The following DMWD variants were observed in gnomAD, a reference collection of about 807,000 sequenced individuals.
DMWD encodes the protein dystrophia myotonica WD repeat-containing protein.
In DMWD, 19 loss-of-function variants were observed where a neutral mutation model predicts 45.8. The ratio of observed to expected loss-of-function variants is 0.41; its 90% confidence interval spans 0.29 to 0.61. DMWD has a LOEUF of 0.61. Among genes scored for constraint, DMWD ranks in the 20% least tolerant of loss-of-function variants. The probability of loss-of-function intolerance (pLI) is 0.25; values close to 1 mark genes in which losing one functional copy is unlikely to be tolerated. For missense variants in DMWD, 802 were observed against 965.2 expected, an observed-to-expected ratio of 0.83 and a Z score of 2.24; for synonymous variants, 515 against 440.5, an observed-to-expected ratio of 1.17 and a Z score of -2.12.
chr19:45,792,736 C>CTCCGCGCCGCCCGCCGCCA lies in DMWD; in HGVS notation c.2_20dup (p.Glu7AspfsTer23). On this transcript the variant is annotated frameshift_variant, in exon 1 of 5. Transcript: ENST00000270223. LOFTEE classifies it high-confidence loss of function. ...TGGCGGCGCCGGGGCCCGAGCCGCC[C>CTCCGCGCCGCCCGCCGCCA]TCCGCGCCGCCCGCCGCCATCTTGG... is the stretch of plus-strand genomic sequence containing the variant. 3 of 1,153,444 alleles carry CTCCGCGCCGCCCGCCGCCA rather than the reference C, an allele frequency of 2.6e-6. No individual in the cohort carries two copies. The highest frequency in any genetic ancestry group is 3.2e-6 in the Non-Finnish European group (3 of 933,652). 71.5% of individuals were successfully genotyped at this position (1,153,444 alleles called of 1,614,324 possible). A position where few individuals can be genotyped will look rare whatever the true frequency, so the allele number is the denominator to read the frequency against.
At position 45,791,049 on chromosome 19, in the gene DMWD, G is replaced by A; in HGVS notation, c.480C>T (p.Tyr160=). Residue 160 remains tyrosine, a synonymous_variant, in exon 2 of 5, where the codon TAC becomes TAT. Coordinates refer to ENST00000270223, the MANE Select transcript of DMWD (RefSeq NM_004943.2). ...DLNKPIDKRI[Y]KGTQPTCHDF... is the part of the protein sequence containing the mutation. Reference sequence around the variant, plus strand: ...CGTGGCAGGTGGGCTGGGTGCCCTTGTAGATCCGCTTGTCAATTGGCTTGT... The same window carrying A: ...CGTGGCAGGTGGGCTGGGTGCCCTTATAGATCCGCTTGTCAATTGGCTTGT... 6.2e-7 allele frequency: 1 copy of A among 1,612,832 alleles called. No individual in the cohort carries two copies. Among genetic ancestry groups the A allele is most frequent in the South Asian group, 1.1e-5 (1 of 91,058 alleles).
Position 45,792,389 on chromosome 19 carries a change from C to T in DMWD, c.368G>A (p.Gly123Glu). The change falls in exon 1 of 5, where the codon GGA becomes GAA. Residue 123 changes from glycine (G) to glutamate (E), a missense_variant. Physicochemically the swap from Gly to Glu is moderately conservative, Grantham distance 98 (BLOSUM62 -2). Transcript: ENST00000270223. ...PATPAGLGSGGDRVCFNLGRE... is the reference protein window; with the variant it reads ...PATPAGLGSGEDRVCFNLGRE... ...GCCCAAGTTGAAGCAGACGCGGTCT[C>T]CCCCCGAGCCCAGCCCCGCGGGCGT... 1.2e-6 allele frequency: 2 copies of T among 1,600,300 alleles called. No individual in the cohort carries two copies. The highest frequency in any genetic ancestry group is 2.3e-5 in the East Asian group (1 of 43,284).
At chr19:45,790,760 AT>A (rs765064610) in intron 2 of DMWD, 144 bp downstream of exon 2, 2 of 858,604 alleles carry the variant, frequency 2.3e-6, no homozygotes, top group South Asian at 3.7e-5. Flanking sequence ...GGCAGCTGTC[AT>A]TAGCTGCTGT....
At chr19:45,792,070 G>A (rs1011383211) in intron 1 of DMWD, among the ~76,000 whole-genome samples, 2 of 151,984 alleles carry the variant, frequency 1.3e-5, no homozygotes, top group Non-Finnish European at 2.9e-5. Context: ...CACCATCCCA[G>A]AACTCCTACG....
chr19:45,791,131 G>A (rs1297160894), intron 1 of DMWD, 44 bp from the exon 2 acceptor site: 2 of 1,550,392 alleles, frequency 1.3e-6, no homozygotes, highest in East Asian at 4.5e-5. Context: ...ATGCCACTGA[G>A]GAGAAGGAAG....
At position 45,786,137 on chromosome 19, in the gene DMWD, G is replaced by A. The variant is rs751258923; in HGVS notation, c.1359C>T (p.His453=). ...WDLTEDVLYP[H]PPLARTRTLP... is the part of the protein sequence containing the mutation. ...GGGTGCGGGTGCGGGCCAGGGGGGG[G>A]TGCGGGTAGAGCACGTCTTCAGTGA... Residue 453 remains histidine, a synonymous_variant, in exon 3 of 5, where the codon CAC becomes CAT. Transcript: ENST00000270223. 5.8e-6 allele frequency: 9 copies of A among 1,543,844 alleles called. No homozygotes were observed. The highest frequency in any genetic ancestry group is 1.4e-5 in the African/African-American group (1 of 73,458).
At chr19:45,787,595 C>T (rs1040403394) in intron 2 of DMWD, among the ~76,000 whole-genome samples, 1 of 152,220 alleles carries the variant, frequency 6.6e-6, no homozygotes, top group Admixed American at 6.5e-5. Context: ...AGGAAGCGAT[C>T]TTTGTTTGGT....
Position 45,783,786 on chromosome 19 carries a change from T to C in DMWD, c.*457A>G, listed in dbSNP as rs1218098194. ...AGGTCCTGCGGGACAGGGAGGAACC[T>C]GAGGGGCTTCCATAATTTAACACTC... On this transcript the variant is annotated 3_prime_UTR_variant, in exon 5 of 5. Coordinates refer to ENST00000270223, the MANE Select transcript of DMWD (RefSeq NM_004943.2). 1.1e-5 allele frequency: 5 copies of C among 460,532 alleles called. No homozygotes were observed. In the East Asian group the frequency reaches 1.4e-4, roughly 13 times the overall value. 28.5% of individuals were successfully genotyped at this position (460,532 alleles called of 1,614,324 possible).
At chr19:45,784,391 C>T in intron 4 of DMWD, 101 bp from the exon 5 acceptor site, 1 of 1,342,760 alleles carries the variant, frequency 7.4e-7, no homozygotes, top group Non-Finnish European at 1.0e-6. Flanking sequence ...AAAGCTGCTG[C>T]CACCCTGGCC....
At chr19:45,788,237 G>T (rs1294846717) in intron 2 of DMWD, among the ~76,000 whole-genome samples, 1 of 152,206 alleles carries the variant, frequency 6.6e-6, no homozygotes, top group African/African-American at 2.4e-5. Context: ...TGAAGTATCA[G>T]CCAGCACCTG....
Position 45,785,778 on chromosome 19 carries a change from A to G in DMWD, c.1718T>C (p.Leu573Pro). ...AGTGCCCAGCACCTTGGCGGGGTCC[A>G]GGCGGCTGCGGGGAACAGGGCCGCT... ...KPSGPVPRSR[L>P]DPAKVLGTAL... is the part of the protein sequence containing the mutation. Residue 573 changes from leucine to proline, a missense_variant, in exon 3 of 5, where the codon CTG (leucine) becomes CCG (proline). Leu to Pro is a moderately conservative substitution (Grantham distance 98). Transcript: ENST00000270223. The G allele has an allele frequency of 6.2e-7, 1 of 1,611,610 alleles. No individual in the cohort carries two copies. Among genetic ancestry groups the G allele is most frequent in the Non-Finnish European group, 8.5e-7 (1 of 1,179,188 alleles).
At chr19:45,792,106 C>A (rs565016861) in intron 1 of DMWD, among the ~76,000 whole-genome samples, 1 of 152,140 alleles carries the variant, frequency 6.6e-6, no homozygotes, top group Non-Finnish European at 1.5e-5. Flanking sequence ...GGGGATTTCC[C>A]CCATCACCTC....
Position 45,783,722 on chromosome 19 carries a change from A to G in DMWD, c.*521T>C. On this transcript the variant is annotated 3_prime_UTR_variant, in exon 5 of 5. Coordinates refer to ENST00000270223, the MANE Select transcript of DMWD (RefSeq NM_004943.2). ...CTACATCATCTCCTCCGAAGGGGAC[A>G]GACCCGCTGAGAAAACAGGGAACTT... 1 of 444,232 alleles carries G rather than the reference A, an allele frequency of 2.3e-6. No individual in the cohort carries two copies. The highest frequency in any genetic ancestry group is 3.9e-6 in the Non-Finnish European group (1 of 255,442). 27.5% of individuals were successfully genotyped at this position (444,232 alleles called of 1,614,324 possible).
rs774343325 is a variant in DMWD, at chr19:45,784,711, G to C, written c.1907C>G (p.Thr636Arg). ...TGTCTGGGCCTCGGTCTCCTCGTCTGTGAACTACGGAGACAGAGGGGTCTC... is the reference window on the plus strand; with the variant it reads ...TGTCTGGGCCTCGGTCTCCTCGTCTCTGAACTACGGAGACAGAGGGGTCTC... ...CTWARPGKAF[T>R]DEETEAQTGE... is the part of the protein sequence containing the mutation. Residue 636 changes from threonine to arginine, a missense_variant, in exon 4 of 5, where the codon ACA (threonine) becomes AGA (arginine). Physicochemically the swap from Thr to Arg is moderately conservative, Grantham distance 71 (BLOSUM62 -1). Around this residue, in one of 9 missense-constraint regions of DMWD, gnomAD observed 303 missense variants for 332.9 expected, o/e 0.91. Coordinates refer to ENST00000270223, the MANE Select transcript of DMWD (RefSeq NM_004943.2). 2.5e-6 allele frequency: 4 copies of C among 1,613,536 alleles called. No homozygotes were observed. In the Admixed American group the frequency reaches 5.0e-5, roughly 20 times the overall value.
At position 45,783,751 on chromosome 19, in the gene DMWD, T is replaced by C. The variant is rs1006305408; in HGVS notation, c.*492A>G. The C allele has an allele frequency of 3.5e-5, 16 of 450,786 alleles. No homozygotes were observed. In the East Asian group the frequency reaches 5.3e-4, roughly 15 times the overall value. The allele number at this position is 450,786 out of a possible 1,614,324, so 27.9% of individuals were successfully genotyped here. ...CCGCTGAGAAAACAGGGAACTTTAG[T>C]ATAAATAAGAGGTCCTGCGGGACAG... is the stretch of plus-strand genomic sequence containing the variant. On this transcript the variant is annotated 3_prime_UTR_variant, in exon 5 of 5. Coordinates refer to ENST00000270223, the MANE Select transcript of DMWD (RefSeq NM_004943.2).
rs981397103 is a variant in DMWD, at chr19:45,785,632, C to G, written c.1864G>C (p.Glu622Gln). 2 of 1,536,836 alleles carry G rather than the reference C, an allele frequency of 1.3e-6. No individual in the cohort carries two copies. The highest frequency in any genetic ancestry group is 2.8e-5 in the African/African-American group (2 of 72,528). Residue 622 changes from glutamate (E) to glutamine (Q), a missense_variant, in exon 3 of 5, where the codon GAG (glutamate) becomes CAG (glutamine). This residue lies in a region of DMWD where 303 missense variants were observed against 332.9 expected (regional missense o/e 0.91). Coordinates refer to ENST00000270223, the MANE Select transcript of DMWD (RefSeq NM_004943.2). ...CGGGCCCAGGTGCAGATGAGGCCCT[C>G]CTGGCAGGCAGTGATGATGCAGTCC... ...LEDCIITACQ[E>Q]GLICTWARPG...
chr19:45,785,450 T>C lies in DMWD; in HGVS notation c.1902+144A>G, dbSNP rs576942037. 1.4e-3 allele frequency: 1,922 copies of C among 1,389,294 alleles called. 5 individuals are homozygous for C. The highest frequency in any genetic ancestry group is 1.7e-3 in the Non-Finnish European group (1,866 of 1,076,576). The allele number at this position is 1,389,294 out of a possible 1,614,324, so 86.1% of individuals were successfully genotyped here. ...TCTAAGGATCTGAGAGGTCTTGTAC[T>C]GAGACACTAAGATTTCCCTGGCTTC... is the stretch of plus-strand genomic sequence containing the variant. On this transcript the variant is annotated intron_variant, in intron 3 of 4. Coordinates refer to ENST00000270223, the MANE Select transcript of DMWD (RefSeq NM_004943.2).
At chr19:45,784,787 C>T in intron 3 of DMWD, 72 bp from the exon 4 acceptor site, 9 of 1,570,726 alleles carry the variant, frequency 5.7e-6, no homozygotes, top group Non-Finnish European at 6.0e-6. Context: ...GCCTCTGAGT[C>T]ACTCAGACTG....
chr19:45,788,131 C>T (rs1970306777), intron 2 of DMWD, among the ~76,000 whole-genome samples: 1 of 152,156 alleles, frequency 6.6e-6, no homozygotes, highest in Admixed American at 6.5e-5. Context: ...CTCACCATCC[C>T]ATTCAACCAC....
Sources: allele counts gnomAD v4.1 joint callset (sites outside exome capture counted in the v4.1 genomes callset), GRCh38; gene constraint gnomAD v4.1.1; regional missense constraint gnomAD v4.1.1; transcripts MANE v1.5; gene names NCBI Gene and HGNC (gene_info 2026-07-23, HGNC 2026-07-21).